The following PRICKLE2 variants were observed in gnomAD, a reference collection of about 807,000 sequenced individuals.
PRICKLE2 encodes prickle planar cell polarity protein 2, also known as prickle-like protein 2.
In PRICKLE2, 21 loss-of-function variants were observed where a neutral mutation model predicts 81.4. The observed-to-expected ratio is 0.26, with a 90% CI of 0.18 to 0.37. The LOEUF is 0.37. Among genes scored for constraint, PRICKLE2 ranks in the 10% least tolerant of loss-of-function variants. The pLI is 1.00. For missense variants in PRICKLE2, 940 were observed against 1,109.0 expected, an observed-to-expected ratio of 0.85 and a Z score of 2.16; for synonymous variants, 456 against 421.5, an observed-to-expected ratio of 1.08 and a Z score of -1.00.
chr3:64,098,615 A>G lies in PRICKLE2; in HGVS notation c.*436T>C, dbSNP rs2076603643. On this transcript the variant is annotated 3_prime_UTR_variant, in exon 8 of 8. Transcript: ENST00000638394. Reference sequence around the variant, plus strand: ...TTACAAAATACAAAAATATTTTATCAGAACTCTCATTTACATTGCATTTAC... The same window carrying G: ...TTACAAAATACAAAAATATTTTATCGGAACTCTCATTTACATTGCATTTAC... 5.5e-6 allele frequency: 1 copy of G among 181,730 alleles called. No homozygotes were observed. Among genetic ancestry groups the G allele is most frequent in the African/African-American group, 2.4e-5 (1 of 42,102 alleles). 11.3% of individuals were successfully genotyped at this position (181,730 alleles called of 1,614,324 possible).
intron 2 of PRICKLE2, among the ~76,000 whole-genome samples, chr3:64,240,446 G>T (rs2079246690): frequency 6.6e-6 from 1 of 152,196 alleles, no homozygotes; most frequent in Admixed American, 6.5e-5. Context: ...CCTGAATGGA[G>T]CCCAAGGGAT....
chr3:64,199,474 TAAG>T (rs2078528819), intron 1 of PRICKLE2: 1 of 158,688 alleles, frequency 6.3e-6, no homozygotes, highest in Admixed American at 6.0e-5. Flanking sequence ...AAATGTTCTT[TAAG>T]AAGAAGAGCA....
intron 2 of PRICKLE2, among the ~76,000 whole-genome samples, chr3:64,169,587 T>A (rs535774789): frequency 6.6e-6 from 1 of 152,242 alleles, no homozygotes; most frequent in African/African-American, 2.4e-5. Context: ...TATGCACTCT[T>A]AACACCTCAG....
intron 7 of PRICKLE2, among the ~76,000 whole-genome samples, chr3:64,114,669 G>C (rs1202670989): frequency 1.3e-5 from 2 of 148,918 alleles, no homozygotes; most frequent in South Asian, 4.2e-4. Context: ...GACAAGAATA[G>C]AAAAAAAAAA....
At chr3:64,186,377 G>A (rs1374852858) in intron 2 of PRICKLE2, among the ~76,000 whole-genome samples, 1 of 152,200 alleles carries the variant, frequency 6.6e-6, no homozygotes, top group Admixed American at 6.5e-5. Flanking sequence ...ATGTTGGAAA[G>A]CAGCACAGCT....
intron 2 of PRICKLE2, among the ~76,000 whole-genome samples, chr3:64,197,841 G>T (rs2107113041): frequency 6.6e-6 from 1 of 151,930 alleles, no homozygotes; most frequent in South Asian, 2.1e-4. Flanking sequence ...ATGTACCCAT[G>T]AACTGAAAAT....
chr3:64,097,892 A>G lies in PRICKLE2; in HGVS notation c.*1159T>C, dbSNP rs1481593880. 6.5e-6 allele frequency: 1 copy of G among 152,674 alleles called. No homozygotes were observed. Among genetic ancestry groups the G allele is most frequent in the African/African-American group, 2.4e-5 (1 of 41,452 alleles). The allele number at this position is 152,674 out of a possible 1,614,324, so 9.5% of individuals were successfully genotyped here. A position where few individuals can be genotyped will look rare whatever the true frequency, so the allele number is the denominator to read the frequency against. ...CTTGACCTGCCTTCTGTTTTCAAAT[A>G]GCCTTGTTCCTTCTCCAGGCATGAC... On this transcript the variant is annotated 3_prime_UTR_variant, in exon 8 of 8. Transcript: ENST00000638394.
rs537655854 is a variant in PRICKLE2 at position 64,171,379 on chromosome 3, C to T, written c.145-8250G>A. Among the ~76,000 whole-genome samples, 14 of 152,318 alleles carry T rather than the reference C, an allele frequency of 9.2e-5. No homozygotes were observed. In the South Asian group the frequency reaches 1.2e-3, roughly 14 times the overall value. ...ACATATAGTGGGTAGAGGCCAGGGACGCTGCCAAACTTCCTACAATACATG... is the reference window on the plus strand; with the variant it reads ...ACATATAGTGGGTAGAGGCCAGGGATGCTGCCAAACTTCCTACAATACATG... On this transcript the variant is annotated intron_variant, in intron 2 of 7. Transcript: ENST00000638394.
intron 2 of PRICKLE2, among the ~76,000 whole-genome samples, chr3:64,197,143 C>T (rs1319792572): frequency 6.6e-6 from 1 of 152,100 alleles, no homozygotes; most frequent in African/African-American, 2.4e-5. Flanking sequence ...AAATAATTTT[C>T]TCTATCCGGT....
At chr3:64,181,100 TA>T (rs1479286892) in intron 2 of PRICKLE2, among the ~76,000 whole-genome samples, 1 of 152,172 alleles carries the variant, frequency 6.6e-6, no homozygotes, top group Non-Finnish European at 1.5e-5. Flanking sequence ...ACCTAGGAAA[TA>T]AATCACCACT....
chr3:64,257,132 T>C (rs1361194687), intron 2 of PRICKLE2, among the ~76,000 whole-genome samples: 3 of 152,222 alleles, frequency 2.0e-5, no homozygotes, highest in African/African-American at 7.2e-5. Context: ...AAGTCTCTCA[T>C]ACATGTATCA....
chr3:64,262,944 T>C (rs1265213447), intron 2 of PRICKLE2, among the ~76,000 whole-genome samples: 1 of 152,170 alleles, frequency 6.6e-6, no homozygotes, highest in Non-Finnish European at 1.5e-5. Flanking sequence ...TTCCCCCAAG[T>C]GTGTTCTGTG....
chr3:64,103,694 G>A (rs750551063), intron 7 of PRICKLE2, among the ~76,000 whole-genome samples: 6 of 152,276 alleles, frequency 3.9e-5, no homozygotes, highest in South Asian at 2.1e-4. Context: ...GTAAAGCAAC[G>A]TTTGGCCAGG....
At chr3:64,253,680 T>C (rs1026874759) in intron 2 of PRICKLE2, among the ~76,000 whole-genome samples, 1 of 152,162 alleles carries the variant, frequency 6.6e-6, no homozygotes, top group Non-Finnish European at 1.5e-5. Context: ...GAATCTGCAA[T>C]CTCTCATCCA....
In PRICKLE2 at chr3:64,153,519, T is replaced by A. The variant is rs143897596; in HGVS notation, c.601-151A>T. On this transcript the variant is annotated intron_variant, in intron 5 of 7. Transcript: ENST00000638394. ...CAAAAATCCATATGGATATGTTTAT[T>A]CTGTATGTATATCAGTTCCTATACA... is the stretch of plus-strand genomic sequence containing the variant. 1,608 of 694,720 alleles carry A rather than the reference T, an allele frequency of 2.3e-3. 44 individuals are homozygous for A. The East Asian group carries it at 0.038, about 16-fold the overall frequency. The allele number at this position is 694,720 out of a possible 1,614,324, so 43.0% of individuals were successfully genotyped here.
Position 64,098,819 on chromosome 3 carries a change from T to C in PRICKLE2, c.*232A>G. The C allele has an allele frequency of 1.8e-6, 1 of 560,500 alleles. No homozygotes were observed. Among genetic ancestry groups the C allele is most frequent in the Non-Finnish European group, 3.2e-6 (1 of 312,652 alleles). The allele number at this position is 560,500 out of a possible 1,614,324, so 34.7% of individuals were successfully genotyped here. ...GGGAAGGAAGTGACCAAGCCTGGCC[T>C]CGATAGAGTCTACTGTGTTTCCAAA... On this transcript the variant is annotated 3_prime_UTR_variant, in exon 8 of 8. Transcript: ENST00000638394.
chr3:64,154,545 C>T (rs1460268037), intron 5 of PRICKLE2: 5 of 151,032 alleles, frequency 3.3e-5, no homozygotes, highest in Admixed American at 6.6e-5. Flanking sequence ...AACTCCATCT[C>T]GAAGAAAAAA....
intron 7 of PRICKLE2, among the ~76,000 whole-genome samples, chr3:64,107,661 C>T (rs1364337000): frequency 6.6e-6 from 1 of 152,080 alleles, no homozygotes; most frequent in South Asian, 2.1e-4. Flanking sequence ...TGGAAACATA[C>T]TAAGACCCCC....
At chr3:64,189,933 G>A (rs1453579404) in intron 2 of PRICKLE2, among the ~76,000 whole-genome samples, 2 of 152,124 alleles carry the variant, frequency 1.3e-5, no homozygotes, top group Non-Finnish European at 2.9e-5. Context: ...AATTTTCCAG[G>A]GGCAAGCAAG....
Sources: gnomAD v4.1 joint callset for allele counts (sites outside exome capture counted in the v4.1 genomes callset) on GRCh38, gnomAD v4.1.1 for gene constraint, MANE v1.5 for transcripts, NCBI Gene and HGNC (gene_info 2026-07-23, HGNC 2026-07-21) for gene names.